SCRG1: variants seen among roughly 807,000 people sequenced by gnomAD.
SCRG1 encodes the protein scrapie-responsive protein 1.
SCRG1 carries 3 observed loss-of-function variants against 7.7 expected under a neutral mutation model. The ratio of observed to expected loss-of-function variants is 0.39; its 90% confidence interval spans 0.18 to 1.01. The LOEUF is 1.01. SCRG1 is among the 50% of genes least tolerant of loss of function. The pLI, the probability that SCRG1 is intolerant of heterozygous loss-of-function variation, is 0.36. For synonymous variants in SCRG1, 46 were observed against 41.2 expected (o/e 1.12, Z -0.44); for missense variants, 110 against 117.2 (o/e 0.94, Z 0.28).
the SCRG1 span, among the ~76,000 whole-genome samples, chr4:173,494,361 G>A: frequency 1.1e-4 from 16 of 152,150 alleles, no homozygotes; most frequent in Admixed American, 1.0e-3. Context: ...AGCTCCATGT[G>A]GCACACAGGA....
the SCRG1 span, among the ~76,000 whole-genome samples, chr4:173,426,377 C>G: frequency 6.6e-6 from 1 of 152,208 alleles, no homozygotes; most frequent in Non-Finnish European, 1.5e-5. Context: ...CTTGTACTTT[C>G]AACTCCATCC....
the SCRG1 span, among the ~76,000 whole-genome samples, chr4:173,504,663 CT>C: frequency 6.6e-6 from 1 of 152,090 alleles, no homozygotes; most frequent in Non-Finnish European, 1.5e-5. This position sits in a 1 kb window ranked among gnomAD's most constrained non-coding sequence, Gnocchi z 4.7. Flanking sequence ...TAATTTTTGT[CT>C]TGAATTTCTT....
At chr4:173,510,458 A>G in the SCRG1 span, among the ~76,000 whole-genome samples, 2 of 151,420 alleles carry the variant, frequency 1.3e-5, no homozygotes. The surrounding 1 kb of genome is among the most constrained non-coding windows in gnomAD (Gnocchi z 5.7). Flanking sequence ...ATTAACGCAA[A>G]ACAGAGCCAC....
rs776012837 is a variant in SCRG1 at position 173,388,215 on chromosome 4, A to G, written c.*126T>C. On this transcript the variant is annotated 3_prime_UTR_variant, in exon 3 of 3. Coordinates refer to ENST00000296506, the MANE Select transcript of SCRG1 (RefSeq NM_007281.4). Reference sequence around the variant, plus strand: ...TGTTTAACACAGATTTACTTGTCTTAGACAAGTAAGAATTTATAGAATCTA... The same window carrying G: ...TGTTTAACACAGATTTACTTGTCTTGGACAAGTAAGAATTTATAGAATCTA... The G allele has an allele frequency of 1.7e-4, 96 of 565,278 alleles. 1 individual carries two copies. Among genetic ancestry groups the G allele is most frequent in the Non-Finnish European group, 2.3e-4 (75 of 324,692 alleles). 35.0% of individuals were successfully genotyped at this position (565,278 alleles called of 1,614,324 possible).
chr4:173,435,293 A>G, the SCRG1 span, among the ~76,000 whole-genome samples: 1 of 152,070 alleles, frequency 6.6e-6, no homozygotes, highest in African/African-American at 2.4e-5. Flanking sequence ...AAGACAATGG[A>G]GCTTCCCTAG....
intron 1 of SCRG1, among the ~76,000 whole-genome samples, chr4:173,395,060 T>C (rs371388008): frequency 1.3e-5 from 2 of 152,326 alleles, no homozygotes; most frequent in East Asian, 1.9e-4. Context: ...GGAATGTTCT[T>C]TTTTGGGCTA....
At chr4:173,455,310 C>T in the SCRG1 span, among the ~76,000 whole-genome samples, 1 of 152,222 alleles carries the variant, frequency 6.6e-6, no homozygotes, top group Non-Finnish European at 1.5e-5. Context: ...CTCATAAACA[C>T]ATTACACTTG....
the SCRG1 span, among the ~76,000 whole-genome samples, chr4:173,495,747 C>T: frequency 6.6e-6 from 1 of 152,232 alleles, no homozygotes; most frequent in Non-Finnish European, 1.5e-5. Context: ...GTGTCATCCT[C>T]ATATCCAGCA....
the SCRG1 span, among the ~76,000 whole-genome samples, chr4:173,486,630 CTCCT>C: frequency 1.3e-5 from 2 of 152,090 alleles, no homozygotes; most frequent in African/African-American, 4.8e-5. Context: ...TTTTGGCTAC[CTCCT>C]TCCTTTTTCT....
upstream of SCRG1, among the ~76,000 whole-genome samples, chr4:173,401,191 A>G (rs1021877846): frequency 3.3e-5 from 5 of 152,162 alleles, no homozygotes; most frequent in African/African-American, 1.2e-4. Context: ...AGCAAGTGGC[A>G]TGGACCTCAG....
upstream of SCRG1, among the ~76,000 whole-genome samples, chr4:173,411,343 T>C (rs1297757015): frequency 6.6e-6 from 1 of 152,258 alleles, no homozygotes; most frequent in African/African-American, 2.4e-5. Context: ...CAGTGATGAC[T>C]TGGAACTACT....
At chr4:173,415,029 T>G in the SCRG1 span, among the ~76,000 whole-genome samples, 2 of 152,230 alleles carry the variant, frequency 1.3e-5, no homozygotes, top group African/African-American at 4.8e-5. Context: ...TATATTGCCC[T>G]ATATCCCTTG....
the SCRG1 span, among the ~76,000 whole-genome samples, chr4:173,504,055 C>T: frequency 3.2e-4 from 49 of 152,326 alleles, no homozygotes; most frequent in South Asian, 1.2e-3. This position sits in a 1 kb window ranked among gnomAD's most constrained non-coding sequence, Gnocchi z 4.7. Context: ...AACCCACTCA[C>T]GAGCACCACT....
the SCRG1 span, among the ~76,000 whole-genome samples, chr4:173,517,304 C>G: frequency 6.6e-6 from 1 of 152,006 alleles, no homozygotes; most frequent in Admixed American, 6.5e-5. Context: ...CATGTGGGTA[C>G]AAGAAAAAAA....
the SCRG1 span, among the ~76,000 whole-genome samples, chr4:173,477,707 CT>C: frequency 3.2e-3 from 6 of 1,854 alleles, no homozygotes; most frequent in Middle Eastern, 0.17. Flanking sequence ...TTTTTTTTCC[CT>C]TCCTTCCTTC....
chr4:173,436,342 G>A, the SCRG1 span, among the ~76,000 whole-genome samples: 2 of 152,116 alleles, frequency 1.3e-5, no homozygotes, highest in African/African-American at 2.4e-5. Flanking sequence ...CATTCCACAC[G>A]AATCCATCAC....
At chr4:173,516,322 A>G in the SCRG1 span, among the ~76,000 whole-genome samples, 1 of 152,238 alleles carries the variant, frequency 6.6e-6, no homozygotes, top group Non-Finnish European at 1.5e-5. Context: ...TTAGCAAGAC[A>G]CGCGCACACA....
At chr4:173,504,663 C>T in the SCRG1 span, among the ~76,000 whole-genome samples, 1 of 152,090 alleles carries the variant, frequency 6.6e-6, no homozygotes, top group Admixed American at 6.5e-5. This position sits in a 1 kb window ranked among gnomAD's most constrained non-coding sequence, Gnocchi z 4.7. Flanking sequence ...TAATTTTTGT[C>T]TTGAATTTCT....
chr4:173,422,270 AT>A, the SCRG1 span, among the ~76,000 whole-genome samples: 13 of 152,168 alleles, frequency 8.5e-5, no homozygotes, highest in Admixed American at 8.5e-4. Flanking sequence ...AGTTGTGTGC[AT>A]TTTAAGTGGT....
Sources: allele counts gnomAD v4.1 joint callset (sites outside exome capture counted in the v4.1 genomes callset), GRCh38; gene constraint gnomAD v4.1.1; non-coding constraint Gnocchi (gnomAD v3.1); transcripts MANE v1.5; gene names NCBI Gene and HGNC (gene_info 2026-07-23, HGNC 2026-07-21).